The following FRMD4B variants were observed in gnomAD, a reference collection of about 807,000 sequenced individuals.
FRMD4B encodes the protein FERM domain-containing protein 4B.
FRMD4B carries 74 observed loss-of-function variants against 141.5 expected under a neutral mutation model. The ratio of observed to expected loss-of-function variants is 0.52; its 90% CI spans 0.43 to 0.63. The LOEUF (loss-of-function observed/expected upper bound fraction) is 0.63, where lower values mean the gene tolerates loss of function less well. Ranked by LOEUF, FRMD4B falls within the 30% of genes least tolerant of loss-of-function variation. The pLI, the probability that FRMD4B is intolerant of heterozygous loss-of-function variation, is 0.00. For synonymous variants in FRMD4B, 506 were observed against 467.9 expected, an observed-to-expected ratio of 1.08 and a Z score of -1.05; for missense variants, 1,366 against 1,253.4, an observed-to-expected ratio of 1.09 and a Z score of -1.36.
intron 2 of FRMD4B, among the ~76,000 whole-genome samples, chr3:69,428,300 C>T (rs1479607938): frequency 6.6e-6 from 1 of 150,834 alleles, no homozygotes; most frequent in Non-Finnish European, 1.5e-5. Flanking sequence ...TCTCAGTGAT[C>T]TCATCTGTGA....
chr3:69,315,694 G>A (rs932204987), intron 1 of FRMD4B, among the ~76,000 whole-genome samples: 5 of 152,176 alleles, frequency 3.3e-5, no homozygotes, highest in African/African-American at 1.2e-4. Flanking sequence ...CAATTATTGT[G>A]TGGATACACG....
intron 7 of FRMD4B, among the ~76,000 whole-genome samples, chr3:69,244,330 A>T (rs2093408861): frequency 6.6e-6 from 1 of 152,214 alleles, no homozygotes; most frequent in South Asian, 2.1e-4. Context: ...AGCTTCGGAA[A>T]TGCTGAATTC....
intron 1 of FRMD4B, among the ~76,000 whole-genome samples, chr3:69,507,277 C>T (rs1706612212): frequency 6.6e-6 from 1 of 152,132 alleles, no homozygotes; most frequent in Non-Finnish European, 1.5e-5. Flanking sequence ...TCTCTTCAAC[C>T]TTTGCCTCTA....
intron 1 of FRMD4B, among the ~76,000 whole-genome samples, chr3:69,319,816 A>G (rs1018785447): frequency 1.3e-5 from 2 of 152,374 alleles, no homozygotes; most frequent in African/African-American, 2.4e-5. Flanking sequence ...TTAGCAATAC[A>G]GATGGTACTA....
intron 1 of FRMD4B, among the ~76,000 whole-genome samples, chr3:69,339,355 G>A (rs1702659409): frequency 1.3e-5 from 2 of 152,156 alleles, no homozygotes; most frequent in Admixed American, 6.6e-5. Context: ...GCAAACCTGT[G>A]TGCGAGACCT....
At chr3:69,301,050 T>A (rs1024557879) in intron 4 of FRMD4B, among the ~76,000 whole-genome samples, 8 of 151,770 alleles carry the variant, frequency 5.3e-5, no homozygotes, top group Non-Finnish European at 1.0e-4. Flanking sequence ...GCAACCCAAA[T>A]TTTAATAACA....
At chr3:69,485,788 C>T (rs1264276120) in intron 1 of FRMD4B, among the ~76,000 whole-genome samples, 4 of 152,238 alleles carry the variant, frequency 2.6e-5, no homozygotes, top group African/African-American at 9.6e-5. Context: ...TGGTGCGACG[C>T]AGCCCAGCCC....
chr3:69,344,984 T>C (rs1263908430), intron 1 of FRMD4B, among the ~76,000 whole-genome samples: 1 of 151,464 alleles, frequency 6.6e-6, no homozygotes, highest in East Asian at 2.0e-4. Flanking sequence ...TGTAGGACAG[T>C]GGGTGCAGGA....
chr3:69,221,237 A>T (rs762021657), intron 9 of FRMD4B, among the ~76,000 whole-genome samples: 10 of 152,172 alleles, frequency 6.6e-5, no homozygotes, highest in Admixed American at 1.3e-4. Flanking sequence ...TGCTGGGATT[A>T]CAGGCATGAG....
rs114042435 is a variant in FRMD4B, at chr3:69,249,360, G to A, written c.559-112C>T. On this transcript the variant is annotated intron_variant, in intron 6 of 22. Coordinates refer to ENST00000398540, the MANE Select transcript of FRMD4B (RefSeq NM_015123.3). ...AAGTTCCTGAGTTTTGTTTTGAAGA[G>A]TGTTTCTCAGGAATGCTCTCCCTAT... The A allele has an allele frequency of 1.5e-4, 108 of 698,948 alleles. No individual in the cohort carries two copies. In the African/African-American group the frequency reaches 1.9e-3, roughly 12 times the overall value. 43.3% of individuals were successfully genotyped at this position (698,948 alleles called of 1,614,324 possible). A position where few individuals can be genotyped will look rare whatever the true frequency, so the allele number is the denominator to read the frequency against.
intron 1 of FRMD4B, among the ~76,000 whole-genome samples, chr3:69,356,043 AT>A (rs1423028559): frequency 6.6e-6 from 1 of 151,314 alleles, no homozygotes; most frequent in Non-Finnish European, 1.5e-5. Context: ...AAGAAAAAAA[AT>A]TAGGAAACAG....
intron 6 of FRMD4B, 128 bp from the exon 7 acceptor site, chr3:69,249,376 C>T: frequency 1.6e-6 from 1 of 636,164 alleles, no homozygotes; most frequent in Non-Finnish European, 2.8e-6. Flanking sequence ...CTCAGGAATG[C>T]TCTCCCTATA....
intron 1 of FRMD4B, among the ~76,000 whole-genome samples, chr3:69,321,462 C>T (rs956334131): frequency 6.6e-6 from 1 of 152,152 alleles, no homozygotes. Flanking sequence ...TCTGTGCGGT[C>T]ACCTTCTAGA....
At chr3:69,182,394 A>C (rs1307595315) in intron 20 of FRMD4B, among the ~76,000 whole-genome samples, 11 of 152,242 alleles carry the variant, frequency 7.2e-5, no homozygotes. Context: ...TAAGGTACTA[A>C]AAATCTAATG....
At chr3:69,471,545 T>A (rs1247689509) in intron 1 of FRMD4B, 1 of 251,052 alleles carries the variant, frequency 4.0e-6, no homozygotes. Context: ...CTATAAAGGT[T>A]AATTAGGACT....
chr3:69,338,486 A>G (rs1250040343), intron 1 of FRMD4B, among the ~76,000 whole-genome samples: 3 of 152,260 alleles, frequency 2.0e-5, no homozygotes, highest in Non-Finnish European at 4.4e-5. Context: ...CATATACACC[A>G]TGGAATATTA....
At chr3:69,331,703 T>A (rs1377378742) in intron 1 of FRMD4B, among the ~76,000 whole-genome samples, 1 of 152,040 alleles carries the variant, frequency 6.6e-6, no homozygotes, top group Non-Finnish European at 1.5e-5. Flanking sequence ...GTGGCTCACA[T>A]GAGATAAGAT....
intron 1 of FRMD4B, among the ~76,000 whole-genome samples, chr3:69,478,681 GT>G (rs1706048412): frequency 6.6e-6 from 1 of 152,176 alleles, no homozygotes; most frequent in African/African-American, 2.4e-5. Context: ...TGTATATTCT[GT>G]TGATTTGGGG....
At chr3:69,173,393 T>C (rs1267828593) in intron 22 of FRMD4B, among the ~76,000 whole-genome samples, 1 of 152,198 alleles carries the variant, frequency 6.6e-6, no homozygotes, top group Admixed American at 6.5e-5. Flanking sequence ...AAAGGATCTT[T>C]AAATAATATA....
Sources: allele counts gnomAD v4.1 joint callset (sites outside exome capture counted in the v4.1 genomes callset), GRCh38; gene constraint gnomAD v4.1.1; transcripts MANE v1.5; gene names NCBI Gene and HGNC (gene_info 2026-07-23, HGNC 2026-07-21).